Variants in CFH observed in about 807,000 individuals in gnomAD.
CFH encodes H factor 1 (complement).
In CFH, 53 loss-of-function variants were observed where a neutral mutation model predicts 147.3. The ratio of observed to expected loss-of-function variants is 0.36; its 90% confidence interval spans 0.29 to 0.45. CFH has a LOEUF of 0.45. Among genes scored for constraint, CFH ranks in the 20% least tolerant of loss-of-function variants. The probability of loss-of-function intolerance (pLI) is 1.00; values close to 1 mark genes in which losing one functional copy is unlikely to be tolerated. For synonymous variants in CFH, 536 were observed against 489.4 expected, an observed-to-expected ratio of 1.10 and a Z score of -1.26; for missense variants, 1,380 against 1,498.0, an observed-to-expected ratio of 0.92 and a Z score of 1.30.
chr1:196,700,872 C>A, intron 9 of CFH: 1 of 985,184 alleles, frequency 1.0e-6, no homozygotes, highest in Non-Finnish European at 1.2e-6. Flanking sequence ...GCAGAGAAAC[C>A]ATTTCTGGTC....
chr1:196,718,278 T>A (rs1668919667), intron 11 of CFH, among the ~76,000 whole-genome samples: 1 of 152,088 alleles, frequency 6.6e-6, no homozygotes, highest in Non-Finnish European at 1.5e-5. Flanking sequence ...ATATATTTTA[T>A]GTATCACTGT....
intron 6 of CFH, among the ~76,000 whole-genome samples, chr1:196,682,762 T>A (rs1667699273): frequency 6.6e-6 from 1 of 151,632 alleles, no homozygotes; most frequent in Non-Finnish European, 1.5e-5. Context: ...AATAGTAAAA[T>A]TTTAAAATAG....
intron 9 of CFH, among the ~76,000 whole-genome samples, chr1:196,699,732 T>C (rs1668394887): frequency 6.6e-6 from 1 of 152,216 alleles, no homozygotes; most frequent in Admixed American, 6.6e-5. Context: ...CCAGTATCAC[T>C]TGTTTAAAAG....
chr1:196,668,128 T>G (rs1002158310), intron 1 of CFH, among the ~76,000 whole-genome samples: 1 of 152,138 alleles, frequency 6.6e-6, no homozygotes, highest in Non-Finnish European at 1.5e-5. Context: ...GCTTTTTTAT[T>G]TACTCTTCTA....
intron 20 of CFH, among the ~76,000 whole-genome samples, chr1:196,744,258 T>C (rs564859550): frequency 2.8e-4 from 43 of 152,198 alleles, no homozygotes; most frequent in African/African-American, 9.9e-4. Flanking sequence ...AGTTGGGTCA[T>C]GTTTACATAT....
In CFH at chr1:196,728,479, A is replaced by C; in HGVS notation, c.2370A>C (p.Thr790=). 1 of 1,613,026 alleles carries C rather than the reference A, an allele frequency of 6.2e-7. No individual in the cohort carries two copies. The highest frequency in any genetic ancestry group is 8.5e-7 in the Non-Finnish European group (1 of 1,179,232). The change falls in exon 15 of 22, where the codon ACA becomes ACC. Residue 790 remains threonine (T), a synonymous_variant. Transcript: ENST00000367429. ...GAGGAAAAGAAGGATGGATACACAC[A>C]GTCTGCATAAATGGAAGATGGGATC... ...RCRGKEGWIH[T]VCINGRWDPE...
At chr1:196,657,104 G>A (rs750688141) in intron 1 of CFH, among the ~76,000 whole-genome samples, 1 of 151,960 alleles carries the variant, frequency 6.6e-6, no homozygotes, top group Non-Finnish European at 1.5e-5. Context: ...CAATCCTCCT[G>A]CCTCAGCCTC....
chr1:196,708,908 TG>T (rs1668658584), intron 9 of CFH, among the ~76,000 whole-genome samples: 1 of 152,162 alleles, frequency 6.6e-6, no homozygotes, highest in South Asian at 2.1e-4. Flanking sequence ...ATACACTCAC[TG>T]GGACATGATC....
chr1:196,690,705 G>A (rs1170120162), intron 9 of CFH, among the ~76,000 whole-genome samples: 2 of 152,090 alleles, frequency 1.3e-5, no homozygotes, highest in Non-Finnish European at 1.5e-5. Context: ...GCCCCTGGTG[G>A]AGTGCACTGG....
chr1:196,652,128 T>C lies in CFH; in HGVS notation c.11T>C (p.Leu4Pro), dbSNP rs1305521799. The C allele has an allele frequency of 6.2e-6, 10 of 1,611,202 alleles. No individual in the cohort carries two copies. The East Asian group carries it at 8.9e-5, about 14-fold the overall frequency. MRL[L>P]AKIICLMLWA... ...TAAAAGATCCAAAAAATGAGACTTC[T>C]AGCAAAGATTATTTGCCTTATGTTA... The change falls in exon 1 of 22, where the codon CTA becomes CCA. Residue 4 changes from leucine (L) to proline (P), a missense_variant. Physicochemically the swap from Leu to Pro is moderately conservative, Grantham distance 98. Coordinates refer to ENST00000367429, the MANE Select transcript of CFH (RefSeq NM_000186.4).
intron 7 of CFH, among the ~76,000 whole-genome samples, chr1:196,686,085 T>C (rs1172416794): frequency 2.0e-5 from 3 of 151,906 alleles, no homozygotes; most frequent in Non-Finnish European, 2.9e-5. Flanking sequence ...CTACACACTT[T>C]TAAACAACCA....
In CFH at chr1:196,736,992, T is replaced by A. The variant is rs1269499962; in HGVS notation, c.2582T>A (p.Ile861Lys). 6.2e-7 allele frequency: 1 copy of A among 1,609,876 alleles called. No homozygotes were observed. The highest frequency in any genetic ancestry group is 8.5e-7 in the Non-Finnish European group (1 of 1,177,180). The change falls in exon 16 of 22, where the codon ATA becomes AAA. Residue 861 changes from isoleucine (I) to lysine (K), a missense_variant. Ile to Lys is a moderately radical substitution (Grantham distance 102, BLOSUM62 -3). Transcript: ENST00000367429. ...ITCKDGRWQS[I>K]PLCVEKIPCS... ...TGCAAAGATGGAAGATGGCAGTCAATACCACTCTGTGTTGGTCAGTAGTGT... is the reference window on the plus strand; with the variant it reads ...TGCAAAGATGGAAGATGGCAGTCAAAACCACTCTGTGTTGGTCAGTAGTGT...
intron 9 of CFH, among the ~76,000 whole-genome samples, chr1:196,703,739 C>G (rs1371643018): frequency 2.0e-5 from 3 of 151,904 alleles, no homozygotes; most frequent in Non-Finnish European, 4.4e-5. Flanking sequence ...AATGCCAGCA[C>G]CTTGGGAGGC....
intron 6 of CFH, 26 bp downstream of exon 6, chr1:196,679,819 C>A: frequency 1.9e-6 from 3 of 1,592,236 alleles, no homozygotes; most frequent in South Asian, 1.1e-5. Context: ...TTTTCTGGAT[C>A]TTTATAAATT....
chr1:196,696,980 G>A (rs556938383), intron 9 of CFH, among the ~76,000 whole-genome samples: 13 of 152,104 alleles, frequency 8.5e-5, no homozygotes, highest in East Asian at 5.8e-4. Context: ...GGATCCCTTC[G>A]TTACACCTTA....
chr1:196,721,197 A>C (rs952173307), intron 11 of CFH, among the ~76,000 whole-genome samples: 3 of 150,498 alleles, frequency 2.0e-5, no homozygotes, highest in Non-Finnish European at 4.4e-5. Context: ...CAGATTCTGG[A>C]TATTAGCCCT....
intron 6 of CFH, among the ~76,000 whole-genome samples, chr1:196,680,120 T>C (rs543746277): frequency 4.0e-5 from 6 of 151,876 alleles, no homozygotes; most frequent in South Asian, 4.1e-4. Context: ...CTCAAACAAG[T>C]AGATTGCTCC....
chr1:196,731,704 T>C (rs1460443413), intron 15 of CFH, among the ~76,000 whole-genome samples: 2 of 152,002 alleles, frequency 1.3e-5, no homozygotes, highest in Non-Finnish European at 2.9e-5. Flanking sequence ...CTCTCAGCTT[T>C]TTTTCAATCT....
In CFH at chr1:196,716,200, C is replaced by G. The variant is rs188440291; in HGVS notation, c.1696+431C>G. On this transcript the variant is annotated intron_variant, in intron 11 of 21. Coordinates refer to ENST00000367429, the MANE Select transcript of CFH (RefSeq NM_000186.4). ...TCTAAATTTGAAAAGTTCTGAAGAC[C>G]ATTACATGAATCTCATTTACGTTTC... is the stretch of plus-strand genomic sequence containing the variant. Among the ~76,000 whole-genome samples, 25 of 151,968 alleles carry G rather than the reference C, an allele frequency of 1.6e-4. No homozygotes were observed. In the East Asian group the frequency reaches 4.8e-3, roughly 29 times the overall value.
Sources: gnomAD v4.1 joint callset for allele counts (sites outside exome capture counted in the v4.1 genomes callset) on GRCh38, gnomAD v4.1.1 for gene constraint, MANE v1.5 for transcripts, NCBI Gene and HGNC (gene_info 2026-07-23, HGNC 2026-07-21) for gene names.